The following APOLD1 variants were observed in gnomAD, a reference collection of about 807,000 sequenced individuals.
APOLD1 encodes the protein apolipoprotein L domain containing 1, also known as apolipoprotein L domain-containing protein 1.
A neutral mutation model predicts 15.3 loss-of-function variants in APOLD1; 22 were observed. The ratio of observed to expected loss-of-function variants is 1.44; its 90% CI spans 1.03 to 2.05. The LOEUF (loss-of-function observed/expected upper bound fraction) is 2.05. Among genes scored for constraint, APOLD1 ranks in the 30% most tolerant of loss-of-function variants. The pLI is 0.00. For missense variants in APOLD1, 394 were observed against 353.5 expected (o/e 1.11, Z -0.92); for synonymous variants, 190 against 167.4 (o/e 1.13, Z -1.04).
At chr12:12,740,367 T>G (rs1236167298) in intron 1 of APOLD1, among the ~76,000 whole-genome samples, 1 of 152,256 alleles carries the variant, frequency 6.6e-6, no homozygotes, top group Admixed American at 6.5e-5. Flanking sequence ...TCTGCTGGCC[T>G]TGGCCTCCCA....
At chr12:12,774,832 C>T (rs1291491335) in intron 1 of APOLD1, among the ~76,000 whole-genome samples, 6 of 152,132 alleles carry the variant, frequency 3.9e-5, no homozygotes, top group African/African-American at 1.2e-4. Context: ...GCAGCAGAAA[C>T]TCTCCTTCAT....
chr12:12,777,902 T>TG (rs1947048714), intron 1 of APOLD1, among the ~76,000 whole-genome samples: 1 of 27,254 alleles, frequency 3.7e-5, no homozygotes, highest in Non-Finnish European at 9.5e-5. Flanking sequence ...TTTTTTTTTT[T>TG]TTTTTTTTTT....
intron 1 of APOLD1, among the ~76,000 whole-genome samples, chr12:12,752,781 C>G (rs1225003113): frequency 6.6e-6 from 1 of 152,116 alleles, no homozygotes; most frequent in Non-Finnish European, 1.5e-5. Flanking sequence ...CTCCTTGCCC[C>G]AAAGTGGTGG....
At chr12:12,729,109 C>T (rs1275332752) in intron 1 of APOLD1, among the ~76,000 whole-genome samples, 1 of 152,070 alleles carries the variant, frequency 6.6e-6, no homozygotes, top group Non-Finnish European at 1.5e-5. Flanking sequence ...GAGTCCTCCA[C>T]ATCTCGATGG....
rs541175956 is a variant in APOLD1, at chr12:12,789,653, C to G, written c.*2001C>G. Reference sequence around the variant, plus strand: ...TTTTCACTTTGGGGTCTGTAAGAAACTGTCAGTGAAAATATGTACAATTCC... The same window carrying G: ...TTTTCACTTTGGGGTCTGTAAGAAAGTGTCAGTGAAAATATGTACAATTCC... On this transcript the variant is annotated 3_prime_UTR_variant, in exon 2 of 2. Coordinates refer to ENST00000356591, the MANE Select transcript of APOLD1 (RefSeq NM_030817.3). 1 of 152,202 alleles carries G rather than the reference C, an allele frequency of 6.6e-6. No individual in the cohort carries two copies. The highest frequency in any genetic ancestry group is 2.4e-5 in the African/African-American group (1 of 41,438). The allele number at this position is 152,202 out of a possible 1,614,324, so 9.4% of individuals were successfully genotyped here.
chr12:12,769,211 G>C (rs1355540248), intron 1 of APOLD1, among the ~76,000 whole-genome samples: 4 of 120,836 alleles, frequency 3.3e-5, no homozygotes, highest in Admixed American at 1.0e-4. Flanking sequence ...CTGGGCAACA[G>C]AGCAAGACCT....
intron 1 of APOLD1, among the ~76,000 whole-genome samples, chr12:12,768,193 G>A (rs1946955487): frequency 6.6e-6 from 1 of 152,060 alleles, no homozygotes; most frequent in Non-Finnish European, 1.5e-5. Context: ...TACAAATATT[G>A]AACAATTGAA....
intron 1 of APOLD1, among the ~76,000 whole-genome samples, chr12:12,749,660 G>A (rs915740989): frequency 1.3e-5 from 2 of 152,138 alleles, no homozygotes; most frequent in African/African-American, 4.8e-5. Context: ...AGCAACTGCG[G>A]ACCACCACTT....
chr12:12,785,843 G>A lies in APOLD1; in HGVS notation c.3+149G>A. On this transcript the variant is annotated intron_variant, in intron 1 of 1. Transcript: ENST00000356591. ...TAAGGAGATGAGGATTCTAGACTGG[G>A]CTCTGTGAAGAATCAGCTGCTTCTA... 3 of 769,168 alleles carry A rather than the reference G, an allele frequency of 3.9e-6. No individual in the cohort carries two copies. In the East Asian group the frequency reaches 7.9e-5, roughly 20 times the overall value. 47.6% of individuals were successfully genotyped at this position (769,168 alleles called of 1,614,324 possible). A position where few individuals can be genotyped will look rare whatever the true frequency, so the allele number is the denominator to read the frequency against.
chr12:12,768,552 T>G (rs745891792), intron 1 of APOLD1, among the ~76,000 whole-genome samples: 4 of 152,014 alleles, frequency 2.6e-5, no homozygotes, highest in Non-Finnish European at 5.9e-5. Flanking sequence ...CTCAGGAGGT[T>G]GAGTTGGAAA....
At chr12:12,766,159 GC>G (rs1946941510) in intron 1 of APOLD1, among the ~76,000 whole-genome samples, 2 of 152,240 alleles carry the variant, frequency 1.3e-5, no homozygotes, top group Admixed American at 1.3e-4. Flanking sequence ...GAATAATATG[GC>G]TGCTTCACAG....
At chr12:12,748,814 G>T (rs761146996) in intron 1 of APOLD1, among the ~76,000 whole-genome samples, 1 of 152,184 alleles carries the variant, frequency 6.6e-6, no homozygotes, top group African/African-American at 2.4e-5. Flanking sequence ...CAAAGGGGAC[G>T]TGGAAATATA....
chr12:12,776,907 G>A lies in APOLD1; in HGVS notation c.97-10002G>A, dbSNP rs1947039867. ...ATGGTAACAAATCAATATAAGACTAGCCAGCAATAACACATCTATAGAAAA... is the reference window on the plus strand; with the variant it reads ...ATGGTAACAAATCAATATAAGACTAACCAGCAATAACACATCTATAGAAAA... On this transcript the variant is annotated intron_variant, in intron 1 of 1. Coordinates refer to the APOLD1 transcript ENST00000326765. 1.3e-5 allele frequency among the ~76,000 whole-genome samples: 2 copies of A among 152,092 alleles called. 1 individual carries two copies. Among genetic ancestry groups the A allele is most frequent in the South Asian group, 4.1e-4 (2 of 4,826 alleles).
At chr12:12,772,346 C>T (rs1946995014) in intron 1 of APOLD1, among the ~76,000 whole-genome samples, 1 of 152,198 alleles carries the variant, frequency 6.6e-6, no homozygotes, top group Admixed American at 6.5e-5. Flanking sequence ...ATGCTTATGT[C>T]AGACAGAACA....
chr12:12,783,302 T>TTTTG (rs374503813), upstream of APOLD1, among the ~76,000 whole-genome samples: 3 of 152,188 alleles, frequency 2.0e-5, no homozygotes, highest in Non-Finnish European at 2.9e-5. Context: ...CAGTTGGGTT[T>TTTTG]TTTGTTTGTT....
chr12:12,757,165 A>G (rs11055048), intron 1 of APOLD1, among the ~76,000 whole-genome samples: 3,348 of 152,272 alleles, frequency 0.022, 89 homozygotes, highest in East Asian at 0.12. Flanking sequence ...TGCCCTTACC[A>G]TCATCTCCAA....
chr12:12,734,221 G>A (rs182752137), intron 1 of APOLD1, among the ~76,000 whole-genome samples: 96 of 152,230 alleles, frequency 6.3e-4, no homozygotes, highest in African/African-American at 2.2e-3. Flanking sequence ...TGCCATATGG[G>A]ATTTTACTGG....
intron 1 of APOLD1, among the ~76,000 whole-genome samples, chr12:12,734,233 A>G (rs1232966396): frequency 3.3e-5 from 5 of 152,254 alleles, no homozygotes; most frequent in African/African-American, 1.2e-4. Context: ...TTTTACTGGT[A>G]ACATGATCCC....
intron 1 of APOLD1, among the ~76,000 whole-genome samples, chr12:12,732,950 C>T (rs532401617): frequency 6.6e-6 from 1 of 151,604 alleles, no homozygotes; most frequent in Admixed American, 6.6e-5. Flanking sequence ...TTGAACTAAC[C>T]ATAGTATATG....
Sources: allele counts gnomAD v4.1 joint callset (sites outside exome capture counted in the v4.1 genomes callset), GRCh38; gene constraint gnomAD v4.1.1; transcripts MANE v1.5; gene names NCBI Gene and HGNC (gene_info 2026-07-23, HGNC 2026-07-21).